The following GRID2 variants were observed in gnomAD, a reference collection of about 807,000 sequenced individuals.
GRID2 encodes the protein glutamate receptor ionotropic, delta-2.
Under a neutral mutation model 114.8 loss-of-function variants are expected in GRID2, and 33 were observed. The ratio of observed to expected loss-of-function variants is 0.29; its 90% CI spans 0.22 to 0.38. GRID2 has a LOEUF of 0.38. Ranked by LOEUF, GRID2 falls within the 10% of genes least tolerant of loss-of-function variation. The pLI is 1.00. For synonymous variants in GRID2, 505 were observed against 449.9 expected, an observed-to-expected ratio of 1.12 and a Z score of -1.55; for missense variants, 1,184 against 1,257.7, an observed-to-expected ratio of 0.94 and a Z score of 0.89.
intron 2 of GRID2, among the ~76,000 whole-genome samples, chr4:92,965,500 C>G (rs1753100928): frequency 1.0e-5 from 1 of 96,506 alleles, no homozygotes; most frequent in Non-Finnish European, 2.2e-5. Flanking sequence ...CACACAACAT[C>G]TGGGAAATGC....
intron 2 of GRID2, among the ~76,000 whole-genome samples, chr4:92,994,454 G>A (rs1168366104): frequency 6.6e-6 from 1 of 151,972 alleles, no homozygotes; most frequent in Non-Finnish European, 1.5e-5. Flanking sequence ...CTGGGTTCAG[G>A]TGATTCTCCT....
rs377457267 is a variant in GRID2, at chr4:93,170,544, A to G, written c.736-36860A>G. ...ATATAGATAGGTTTCTCTACCAGAC[A>G]GTTCCTGCTTCGCCATAATAGCAGT... On this transcript the variant is annotated intron_variant, in intron 4 of 15. Coordinates refer to ENST00000282020, the MANE Select transcript of GRID2 (RefSeq NM_001510.4). Among the ~76,000 whole-genome samples, 73 of 152,310 alleles carry G rather than the reference A, an allele frequency of 4.8e-4. 3 individuals are homozygous for G. In the South Asian group the frequency reaches 0.015, roughly 31 times the overall value.
At chr4:93,099,775 C>T (rs1731543866) in intron 3 of GRID2, among the ~76,000 whole-genome samples, 1 of 151,838 alleles carries the variant, frequency 6.6e-6, no homozygotes, top group Non-Finnish European at 1.5e-5. Flanking sequence ...AATTTAATTG[C>T]CATGTGTTCT....
At chr4:93,780,434 A>G (rs1218301684) in intron 1 of GRID2, among the ~76,000 whole-genome samples, 1 of 152,200 alleles carries the variant, frequency 6.6e-6, no homozygotes. Context: ...AATGGCTCAC[A>G]TTACAAGGCT....
At chr4:93,057,424 A>AT (rs1450564923) in intron 2 of GRID2, among the ~76,000 whole-genome samples, 1 of 151,842 alleles carries the variant, frequency 6.6e-6, no homozygotes. Context: ...AATTCTTTGA[A>AT]TTTTTTGTTG....
At position 92,597,972 on chromosome 4, in the gene GRID2, A is replaced by C. The variant is rs76618734; in HGVS notation, c.244+7686A>C. 1.7e-3 allele frequency among the ~76,000 whole-genome samples: 252 copies of C among 152,258 alleles called. 4 individuals carry two copies. The East Asian group carries it at 0.03, about 18-fold the overall frequency. On this transcript the variant is annotated intron_variant, in intron 2 of 15. Coordinates refer to ENST00000282020, the MANE Select transcript of GRID2 (RefSeq NM_001510.4). ...ATCCAACTTTTATATGATCCAGTTT[A>C]CCTGGTTAATTTTAGAAGAAATAGC...
intron 1 of GRID2, among the ~76,000 whole-genome samples, chr4:92,356,067 T>C (rs572197114): frequency 6.6e-6 from 1 of 151,930 alleles, no homozygotes; most frequent in African/African-American, 2.4e-5. Flanking sequence ...ATATTTATAC[T>C]TGGTCATAAC....
intron 8 of GRID2, among the ~76,000 whole-genome samples, chr4:93,363,073 A>G (rs943363703): frequency 1.3e-5 from 2 of 152,060 alleles, no homozygotes; most frequent in Non-Finnish European, 2.9e-5. Context: ...TACAAAAATT[A>G]TCTGGGCATG....
At chr4:92,660,948 T>A (rs1213737135) in intron 2 of GRID2, among the ~76,000 whole-genome samples, 1 of 151,040 alleles carries the variant, frequency 6.6e-6, no homozygotes, top group Non-Finnish European at 1.5e-5. Context: ...ATCGGACCAT[T>A]TTGGCTAACC....
intron 13 of GRID2, among the ~76,000 whole-genome samples, chr4:93,577,571 G>A (rs887810391): frequency 2.0e-5 from 3 of 152,162 alleles, no homozygotes; most frequent in Non-Finnish European, 2.9e-5. Flanking sequence ...TGGAGGAAAA[G>A]ATTACATATT....
intron 2 of GRID2, among the ~76,000 whole-genome samples, chr4:92,968,528 C>G (rs896806654): frequency 7.9e-5 from 12 of 151,826 alleles, no homozygotes; most frequent in African/African-American, 4.8e-5. Flanking sequence ...AAGAGGATCA[C>G]AAAGTCTAGT....
At chr4:93,526,782 C>G (rs1172116614) in intron 13 of GRID2, among the ~76,000 whole-genome samples, 1 of 152,074 alleles carries the variant, frequency 6.6e-6, no homozygotes, top group African/African-American at 2.4e-5. Context: ...GCACTCCAGC[C>G]TGGGCAACAA....
intron 4 of GRID2, among the ~76,000 whole-genome samples, chr4:93,185,735 A>G (rs1489123509): frequency 6.6e-6 from 1 of 152,152 alleles, no homozygotes; most frequent in African/African-American, 2.4e-5. Context: ...TAATGTGATT[A>G]AAGAATACAC....
intron 3 of GRID2, among the ~76,000 whole-genome samples, chr4:93,103,682 T>G (rs1731913860): frequency 1.3e-5 from 2 of 151,988 alleles, no homozygotes; most frequent in South Asian, 4.1e-4. Flanking sequence ...ATCTTGGCAG[T>G]GTGCAGAATG....
At chr4:93,696,413 A>G (rs1434445294) in intron 14 of GRID2, among the ~76,000 whole-genome samples, 1 of 152,082 alleles carries the variant, frequency 6.6e-6, no homozygotes. Flanking sequence ...TAATTATCTC[A>G]CTCAATACTC....
chr4:93,682,201 C>T (rs1284661377), intron 14 of GRID2, among the ~76,000 whole-genome samples: 1 of 148,958 alleles, frequency 6.7e-6, no homozygotes, highest in Non-Finnish European at 1.5e-5. Context: ...CACTGGCCAT[C>T]AGAGAAATGC....
intron 2 of GRID2, among the ~76,000 whole-genome samples, chr4:92,599,278 G>C (rs1322438891): frequency 1.3e-5 from 2 of 152,032 alleles, no homozygotes; most frequent in Non-Finnish European, 2.9e-5. Context: ...TAATACAATC[G>C]GTGAAGTAAA....
chr4:93,324,767 G>C (rs1186806247), intron 8 of GRID2, among the ~76,000 whole-genome samples: 6 of 152,046 alleles, frequency 3.9e-5, no homozygotes, highest in Non-Finnish European at 1.5e-5. Context: ...AGTCTTGGGA[G>C]GGTGTATGTT....
At chr4:93,574,642 G>A (rs997884912) in intron 13 of GRID2, among the ~76,000 whole-genome samples, 10 of 152,068 alleles carry the variant, frequency 6.6e-5, no homozygotes, top group Non-Finnish European at 1.3e-4. Context: ...GAACAACACA[G>A]GAAAGACTTG....
Sources: allele counts gnomAD v4.1 joint callset (sites outside exome capture counted in the v4.1 genomes callset), GRCh38; gene constraint gnomAD v4.1.1; transcripts MANE v1.5; gene names NCBI Gene and HGNC (gene_info 2026-07-23, HGNC 2026-07-21).